The following CGRRF1 variants were observed in gnomAD, a reference collection of about 807,000 sequenced individuals.
The protein encoded by CGRRF1 is cell growth regulator with RING finger domain protein 1.
CGRRF1 carries 32 observed loss-of-function variants against 37.2 expected under a neutral mutation model. That is an observed-to-expected ratio of 0.86 (90% confidence interval 0.65 to 1.16). The LOEUF (loss-of-function observed/expected upper bound fraction) is 1.16. Among genes scored for constraint, CGRRF1 ranks in the 50% most tolerant of loss-of-function variants. The pLI is 0.00. For missense variants in CGRRF1, 391 were observed against 382.6 expected (o/e 1.02, Z -0.18); for synonymous variants, 141 against 140.3 (o/e 1.00, Z -0.04).
chr14:54,513,421 TG>T (rs1395721803), intron 1 of CGRRF1, among the ~76,000 whole-genome samples: 1 of 152,242 alleles, frequency 6.6e-6, no homozygotes, highest in Non-Finnish European at 1.5e-5. Context: ...CTTTGTTCAC[TG>T]GAGCACTGAC....
At chr14:54,521,527 C>T (rs371850891) in intron 1 of CGRRF1, among the ~76,000 whole-genome samples, 7 of 151,218 alleles carry the variant, frequency 4.6e-5, no homozygotes, top group Admixed American at 6.6e-5. Flanking sequence ...TTTTGAGAGA[C>T]GAAATCTTGC....
intron 1 of CGRRF1, among the ~76,000 whole-genome samples, chr14:54,516,779 G>A (rs1296074475): frequency 6.6e-6 from 1 of 152,120 alleles, no homozygotes; most frequent in Admixed American, 6.5e-5. Flanking sequence ...TCAGTGATAT[G>A]TTAAGACTTC....
chr14:54,520,780 A>G (rs1457399996), intron 1 of CGRRF1, among the ~76,000 whole-genome samples: 1 of 152,174 alleles, frequency 6.6e-6, no homozygotes, highest in Non-Finnish European at 1.5e-5. Context: ...CTTTAAATAT[A>G]CCACAGTTTG....
intron 1 of CGRRF1, among the ~76,000 whole-genome samples, chr14:54,513,420 C>G (rs1436634889): frequency 6.6e-6 from 1 of 152,200 alleles, no homozygotes; most frequent in Non-Finnish European, 1.5e-5. Flanking sequence ...TCTTTGTTCA[C>G]TGGAGCACTG....
At chr14:54,531,590 C>T (rs757706621) in intron 4 of CGRRF1, among the ~76,000 whole-genome samples, 35 of 152,128 alleles carry the variant, frequency 2.3e-4, no homozygotes, top group Non-Finnish European at 4.4e-4. Context: ...AGATAGTATC[C>T]ACTCTTTTTT....
At position 54,538,870 on chromosome 14, in the gene CGRRF1, A is replaced by G. The variant is rs981305283; in HGVS notation, c.*487A>G. On this transcript the variant is annotated 3_prime_UTR_variant, in exon 6 of 6. Transcript: ENST00000216420. The stretch of plus-strand genomic sequence containing the variant: ...TCCTGAAATAACAGCTTTTATAAAT[A>G]TCCATCTGTTTGGTTTCTAATGTCC... 1.3e-5 allele frequency: 2 copies of G among 154,070 alleles called. No individual in the cohort carries two copies. Among genetic ancestry groups the G allele is most frequent in the African/African-American group, 4.8e-5 (2 of 41,456 alleles). The allele number at this position is 154,070 out of a possible 1,614,324, so 9.5% of individuals were successfully genotyped here. A position where few individuals can be genotyped will look rare whatever the true frequency, so the allele number is the denominator to read the frequency against.
At chr14:54,522,726 G>A (rs1185092656) in intron 2 of CGRRF1, 133 bp downstream of exon 2, 1 of 824,126 alleles carries the variant, frequency 1.2e-6, no homozygotes, top group Non-Finnish European at 1.9e-6. Context: ...GTTGTTCCAG[G>A]TGCTGTACTG....
chr14:54,524,488 T>C (rs2140060362), intron 2 of CGRRF1, among the ~76,000 whole-genome samples: 1 of 151,326 alleles, frequency 6.6e-6, no homozygotes, highest in East Asian at 2.0e-4. Flanking sequence ...TGGGCTCAAG[T>C]GGTCCTCCTG....
intron 2 of CGRRF1, chr14:54,523,104 AT>A: frequency 6.3e-6 from 1 of 158,848 alleles, no homozygotes; most frequent in Non-Finnish European, 1.4e-5. Flanking sequence ...AGTCACTGAG[AT>A]TACAGGCATG....
intron 1 of CGRRF1, among the ~76,000 whole-genome samples, chr14:54,520,852 G>C (rs1287433135): frequency 6.6e-6 from 1 of 152,002 alleles, no homozygotes; most frequent in African/African-American, 2.4e-5. Flanking sequence ...GGTATCTGTG[G>C]GGTCTTTTTA....
intron 4 of CGRRF1, among the ~76,000 whole-genome samples, chr14:54,533,426 G>A (rs2032551663): frequency 6.6e-6 from 1 of 151,856 alleles, no homozygotes; most frequent in Non-Finnish European, 1.5e-5. Context: ...TCTCATCTGT[G>A]GGCTCCCTCC....
At chr14:54,531,394 G>A (rs1368660084) in intron 4 of CGRRF1, among the ~76,000 whole-genome samples, 1 of 151,902 alleles carries the variant, frequency 6.6e-6, no homozygotes, top group Non-Finnish European at 1.5e-5. Flanking sequence ...TTTGCCTTAT[G>A]GATCACAGTA....
chr14:54,529,633 A>G (rs779947526), intron 2 of CGRRF1, among the ~76,000 whole-genome samples: 2 of 152,188 alleles, frequency 1.3e-5, no homozygotes, highest in Non-Finnish European at 2.9e-5. Flanking sequence ...TATAGGTTGT[A>G]CATATCCCCT....
chr14:54,518,059 A>G (rs576898567), intron 1 of CGRRF1, among the ~76,000 whole-genome samples: 1 of 152,140 alleles, frequency 6.6e-6, no homozygotes, highest in Non-Finnish European at 1.5e-5. Context: ...TGTCTTTGCT[A>G]TTGTGACTAG....
intron 1 of CGRRF1, among the ~76,000 whole-genome samples, chr14:54,521,080 C>T (rs895800948): frequency 6.6e-6 from 1 of 151,950 alleles, no homozygotes; most frequent in Admixed American, 6.6e-5. Flanking sequence ...AATTCTGTTC[C>T]ATGGGCATTG....
At chr14:54,534,164 G>T (rs1009888588) in intron 4 of CGRRF1, among the ~76,000 whole-genome samples, 8 of 151,552 alleles carry the variant, frequency 5.3e-5, no homozygotes, top group Non-Finnish European at 8.8e-5. Context: ...TCGCTCTGTC[G>T]CCCAGGCTGG....
intron 1 of CGRRF1, among the ~76,000 whole-genome samples, chr14:54,513,089 G>A (rs1044267145): frequency 6.6e-6 from 1 of 152,086 alleles, no homozygotes; most frequent in Non-Finnish European, 1.5e-5. Context: ...TTAAAATAAC[G>A]GATGCATTTT....
rs186881340 is a variant in CGRRF1, at chr14:54,519,654, A to G, written c.105-2800A>G. Among the ~76,000 whole-genome samples, 185 of 152,308 alleles carry G rather than the reference A, an allele frequency of 1.2e-3. 1 individual carries two copies. Among genetic ancestry groups the G allele is most frequent in the African/African-American group, 4.2e-3 (176 of 41,562 alleles). On this transcript the variant is annotated intron_variant, in intron 1 of 5. Transcript: ENST00000216420. ...TGGCTCTGGCCCTTGTCTGGAGAAGACAGCCTATGCTGGTCTCCTTAGTAC... is the reference window on the plus strand; with the variant it reads ...TGGCTCTGGCCCTTGTCTGGAGAAGGCAGCCTATGCTGGTCTCCTTAGTAC...
At position 54,539,079 on chromosome 14, in the gene CGRRF1, A is replaced by G. The variant is rs1409971150; in HGVS notation, c.*696A>G. On this transcript the variant is annotated 3_prime_UTR_variant, in exon 6 of 6. Transcript: ENST00000216420. Reference sequence around the variant, plus strand: ...ATTAAATTTATTAAATTGATAGTCAAGTGTGATTAGATTAGCAGAATGTGA... The same window carrying G: ...ATTAAATTTATTAAATTGATAGTCAGGTGTGATTAGATTAGCAGAATGTGA... 1.3e-5 allele frequency: 2 copies of G among 152,182 alleles called. No homozygotes were observed. Among genetic ancestry groups the G allele is most frequent in the Non-Finnish European group, 2.9e-5 (2 of 68,040 alleles). 9.4% of individuals were successfully genotyped at this position (152,182 alleles called of 1,614,324 possible). A position where few individuals can be genotyped will look rare whatever the true frequency, so the allele number is the denominator to read the frequency against.
Sources: gnomAD v4.1 joint callset for allele counts (sites outside exome capture counted in the v4.1 genomes callset) on GRCh38, gnomAD v4.1.1 for gene constraint, MANE v1.5 for transcripts, NCBI Gene and HGNC (gene_info 2026-07-23, HGNC 2026-07-21) for gene names.